C12orf42: variants seen among roughly 807,000 people sequenced by gnomAD.
C12orf42 encodes the protein chromosome 12 open reading frame 42, also known as uncharacterized protein C12orf42.
In C12orf42, 25 loss-of-function variants were observed where a neutral mutation model predicts 21.6. The observed-to-expected ratio is 1.16, with a 90% CI of 0.84 to 1.62. The LOEUF is 1.62. Ranked by LOEUF, C12orf42 falls within the 40% of genes most tolerant of loss-of-function variation. The pLI, the probability that C12orf42 is intolerant of heterozygous loss-of-function variation, is 0.00. For missense variants in C12orf42, 483 were observed against 459.3 expected (o/e 1.05, Z -0.47); for synonymous variants, 174 against 175.0 (o/e 0.99, Z 0.05).
At chr12:103,424,556 C>G (rs1404343108) in intron 2 of C12orf42, among the ~76,000 whole-genome samples, 1 of 152,164 alleles carries the variant, frequency 6.6e-6, no homozygotes, top group African/African-American at 2.4e-5. Context: ...ACACCTCACC[C>G]GGGAAGTGCA....
intron 4 of C12orf42, among the ~76,000 whole-genome samples, chr12:103,361,114 A>T (rs1163350401): frequency 6.6e-6 from 1 of 152,114 alleles, no homozygotes. Context: ...CTGCAGAAAT[A>T]TACCAGGAAA....
intron 4 of C12orf42, among the ~76,000 whole-genome samples, chr12:103,316,452 AG>A (rs1008043282): frequency 2.0e-5 from 3 of 152,270 alleles, no homozygotes; most frequent in Admixed American, 1.3e-4. Context: ...GGTTAAAAGA[AG>A]TTTTTTGGGG....
upstream of C12orf42, among the ~76,000 whole-genome samples, chr12:103,500,651 C>T (rs886874695): frequency 4.1e-4 from 63 of 152,168 alleles, 1 homozygote; most frequent in Admixed American, 4.1e-3. Flanking sequence ...CACTTTACTG[C>T]AAGAATGTTC....
downstream of C12orf42, among the ~76,000 whole-genome samples, chr12:103,235,919 A>G (rs17454946): frequency 0.032 from 4,825 of 152,246 alleles, 118 homozygotes; most frequent in Middle Eastern, 0.085. Flanking sequence ...CTTGCCAACT[A>G]TGGTGGTGGT....
Position 103,276,728 on chromosome 12 carries a change from A to T in C12orf42, n.398+422T>A, listed in dbSNP as rs1480792577. Among the ~76,000 whole-genome samples, 8 of 152,344 alleles carry T rather than the reference A, an allele frequency of 5.3e-5. No homozygotes were observed. The South Asian group carries it at 1.0e-3, about 20-fold the overall frequency. ...TTTGGGAGTGATGTGATTTATTATC[A>T]TAACGTAATGAAAGCTGACCAATAT... On this transcript the variant is annotated intron_variant and non_coding_transcript_variant, in intron 5 of 6. Coordinates refer to the C12orf42 transcript ENST00000546526.
At chr12:103,209,741 C>T in the C12orf42 span, among the ~76,000 whole-genome samples, 5 of 152,170 alleles carry the variant, frequency 3.3e-5, no homozygotes, top group Admixed American at 6.5e-5. Flanking sequence ...ATGATCCCTC[C>T]GCCTTGCTCT....
the C12orf42 span, among the ~76,000 whole-genome samples, chr12:103,160,117 G>T: frequency 6.6e-6 from 1 of 152,092 alleles, no homozygotes; most frequent in Non-Finnish European, 1.5e-5. Flanking sequence ...CGCTTTCCTT[G>T]CTAAACCTAA....
rs536158756 is a variant in C12orf42 at position 103,389,185 on chromosome 12, T to C, written c.147+12422A>G. On this transcript the variant is annotated intron_variant, in intron 3 of 5. Transcript: ENST00000548883. The stretch of plus-strand genomic sequence containing the variant: ...CACCAGAGGGGCCATAGCCTTGAAC[T>C]GTATAAAACAATATGGGGAATGGGT... Among the ~76,000 whole-genome samples the C allele has an allele frequency of 7.2e-5, 11 of 152,328 alleles. 1 individual carries two copies. Among genetic ancestry groups the C allele is most frequent in the Admixed American group, 2.6e-4 (4 of 15,304 alleles).
chr12:103,103,444 T>A, the C12orf42 span, among the ~76,000 whole-genome samples: 1 of 152,192 alleles, frequency 6.6e-6, no homozygotes, highest in Non-Finnish European at 1.5e-5. Flanking sequence ...GGGAAAAGGA[T>A]CTCAGCTTTG....
chr12:103,525,404 C>T, the C12orf42 span, among the ~76,000 whole-genome samples: 1 of 152,042 alleles, frequency 6.6e-6, no homozygotes, highest in African/African-American at 2.4e-5. Flanking sequence ...TTTAGGAATC[C>T]ATCTCAATGA....
At chr12:103,501,477 T>C in the C12orf42 span, among the ~76,000 whole-genome samples, 1 of 152,198 alleles carries the variant, frequency 6.6e-6, no homozygotes, top group Admixed American at 6.5e-5. Context: ...ATGATGTTAG[T>C]GAGCGCAGAG....
intron 2 of C12orf42, among the ~76,000 whole-genome samples, chr12:103,418,310 C>CT (rs1344674549): frequency 6.6e-6 from 1 of 152,018 alleles, no homozygotes; most frequent in African/African-American, 2.4e-5. Flanking sequence ...GGCATGCCGT[C>CT]TTCTAGATAG....
intron 5 of C12orf42, 123 bp from the exon 6 acceptor site, chr12:103,302,682 A>AAG: frequency 3.3e-6 from 2 of 608,898 alleles, no homozygotes; most frequent in African/African-American, 4.0e-5. Context: ...AGGGGAAAGA[A>AAG]AAAAAAAAAA....
the C12orf42 span, among the ~76,000 whole-genome samples, chr12:103,201,859 G>A: frequency 3.3e-5 from 5 of 152,076 alleles, no homozygotes; most frequent in East Asian, 1.9e-4. Flanking sequence ...AAAATCACTC[G>A]TTTGCTTTTT....
intron 4 of C12orf42, among the ~76,000 whole-genome samples, chr12:103,282,256 C>A (rs546387454): frequency 6.6e-6 from 1 of 152,118 alleles, no homozygotes; most frequent in Non-Finnish European, 1.5e-5. Context: ...ACATAAAGAC[C>A]TTGTTGTCTT....
the C12orf42 span, among the ~76,000 whole-genome samples, chr12:103,524,970 G>T: frequency 1.3e-5 from 2 of 149,310 alleles, no homozygotes; most frequent in Non-Finnish European, 3.0e-5. Flanking sequence ...TTTGGGGGGG[G>T]GGCAGGGGGG....
At chr12:103,195,316 G>A in the C12orf42 span, among the ~76,000 whole-genome samples, 1 of 152,110 alleles carries the variant, frequency 6.6e-6, no homozygotes, top group Non-Finnish European at 1.5e-5. Context: ...ACCCAGTAAT[G>A]GAATTGCTGG....
downstream of C12orf42, among the ~76,000 whole-genome samples, chr12:103,263,825 C>G (rs1365782228): frequency 3.3e-5 from 5 of 152,144 alleles, no homozygotes; most frequent in Admixed American, 2.6e-4. Flanking sequence ...AGCAAATATC[C>G]TACATCATCA....
intron 4 of C12orf42, among the ~76,000 whole-genome samples, chr12:103,355,611 G>T (rs1223233012): frequency 6.6e-6 from 1 of 152,058 alleles, no homozygotes; most frequent in East Asian, 1.9e-4. Flanking sequence ...AACCCAGAGA[G>T]GTTAAACAGT....
Sources: gnomAD v4.1 joint callset for allele counts (sites outside exome capture counted in the v4.1 genomes callset) on GRCh38, gnomAD v4.1.1 for gene constraint, MANE v1.5 for transcripts, NCBI Gene and HGNC (gene_info 2026-07-23, HGNC 2026-07-21) for gene names.